FNDC3B: variants seen among roughly 807,000 people sequenced by gnomAD.
FNDC3B encodes the protein fibronectin type III domain-containing protein 3B.
A neutral mutation model predicts 151.5 loss-of-function variants in FNDC3B; 12 were observed. The observed-to-expected ratio is 0.08, with a 90% CI of 0.05 to 0.13. The LOEUF (loss-of-function observed/expected upper bound fraction) is 0.13, where lower values mean the gene tolerates loss of function less well. FNDC3B is among the 10% of genes least tolerant of loss of function. The pLI, the probability that FNDC3B is intolerant of heterozygous loss-of-function variation, is 1.00. For synonymous variants in FNDC3B, 528 were observed against 549.0 expected (o/e 0.96, Z 0.54); for missense variants, 1,214 against 1,505.3 (o/e 0.81, Z 3.20).
chr3:172,076,709 A>G (rs1380414233), intron 1 of FNDC3B, among the ~76,000 whole-genome samples: 1 of 152,192 alleles, frequency 6.6e-6, no homozygotes, highest in Admixed American at 6.5e-5. Flanking sequence ...CAGACTGGTT[A>G]AAGGAAGATT....
At chr3:172,245,269 T>C (rs994794482) in intron 4 of FNDC3B, among the ~76,000 whole-genome samples, 8 of 152,194 alleles carry the variant, frequency 5.3e-5, no homozygotes, top group African/African-American at 1.9e-4. Flanking sequence ...AAAGCGTGCC[T>C]CTTAATATTT....
chr3:172,289,990 G>GT (rs1730240342), intron 7 of FNDC3B, among the ~76,000 whole-genome samples: 1 of 152,166 alleles, frequency 6.6e-6, no homozygotes, highest in Non-Finnish European at 1.5e-5. Context: ...AGTTTGTAGC[G>GT]TATCACTAAG....
intron 1 of FNDC3B, among the ~76,000 whole-genome samples, chr3:172,082,559 A>G (rs1317746443): frequency 2.6e-5 from 4 of 152,168 alleles, no homozygotes; most frequent in Non-Finnish European, 5.9e-5. Context: ...GCCGTTCAGC[A>G]GGACCACACT....
At chr3:172,385,591 C>T (rs978572427) in intron 25 of FNDC3B, among the ~76,000 whole-genome samples, 2 of 150,194 alleles carry the variant, frequency 1.3e-5, no homozygotes, top group Admixed American at 6.6e-5. Context: ...CAGAGTCTCA[C>T]TCTGTCGCCC....
chr3:172,217,772 A>G (rs574452453), intron 3 of FNDC3B, among the ~76,000 whole-genome samples: 36 of 152,170 alleles, frequency 2.4e-4, no homozygotes, highest in Non-Finnish European at 5.1e-4. Flanking sequence ...TGAGAATTAA[A>G]CCCCGGTCTT....
At chr3:172,134,562 A>T (rs975991929) in intron 3 of FNDC3B, among the ~76,000 whole-genome samples, 2 of 152,216 alleles carry the variant, frequency 1.3e-5, no homozygotes, top group African/African-American at 4.8e-5. Flanking sequence ...GGTTTCCCAT[A>T]ATAAGCTGTA....
intron 1 of FNDC3B, among the ~76,000 whole-genome samples, chr3:172,069,636 A>G (rs932005771): frequency 6.6e-6 from 1 of 152,172 alleles, no homozygotes; most frequent in Non-Finnish European, 1.5e-5. Flanking sequence ...TTTCATAGCT[A>G]TCTGACTTTT....
At chr3:172,113,096 A>C (rs1384553902) in intron 2 of FNDC3B, among the ~76,000 whole-genome samples, 1 of 152,228 alleles carries the variant, frequency 6.6e-6, no homozygotes, top group Non-Finnish European at 1.5e-5. Context: ...ACATTGTGGA[A>C]TAGAGTTATT....
chr3:172,174,157 A>G (rs1047043508), intron 3 of FNDC3B, among the ~76,000 whole-genome samples: 2 of 152,174 alleles, frequency 1.3e-5, no homozygotes, highest in Non-Finnish European at 2.9e-5. Context: ...CTCTTTTACC[A>G]AAGAGCGAAT....
chr3:172,068,656 G>A (rs994959158), intron 1 of FNDC3B, among the ~76,000 whole-genome samples: 4 of 152,006 alleles, frequency 2.6e-5, no homozygotes, highest in Non-Finnish European at 1.5e-5. Flanking sequence ...AACTCCTGAC[G>A]TCAGATGATC....
chr3:172,241,768 G>A (rs1262116901), intron 4 of FNDC3B, among the ~76,000 whole-genome samples: 2 of 152,028 alleles, frequency 1.3e-5, no homozygotes, highest in East Asian at 3.9e-4. Context: ...TTATGTACCT[G>A]GCCCCTCCCA....
Position 172,162,675 on chromosome 3 carries a change from T to C in FNDC3B, c.187+29129T>C, listed in dbSNP as rs78509737. ...TATTACCTGGTTTTTTTTTTTTTTT[T>C]GGTCTGTAATACAATTTTATGTGTT... On this transcript the variant is annotated intron_variant, in intron 3 of 25. Coordinates refer to ENST00000415807, the MANE Select transcript of FNDC3B (RefSeq NM_022763.4). Among the ~76,000 whole-genome samples, 4 of 132,874 alleles carry C rather than the reference T, an allele frequency of 3.0e-5. No individual in the cohort carries two copies. The South Asian group carries it at 9.2e-4, about 31-fold the overall frequency. The allele number at this position is 132,874 out of a possible 152,430, so 87.2% of individuals were successfully genotyped here.
chr3:172,055,925 C>A (rs1247798499), intron 1 of FNDC3B, among the ~76,000 whole-genome samples: 1 of 152,020 alleles, frequency 6.6e-6, no homozygotes, highest in East Asian at 1.9e-4. Flanking sequence ...GGACTATAGG[C>A]GCCCGCCACC....
At chr3:172,297,439 C>T (rs893723398) in intron 8 of FNDC3B, among the ~76,000 whole-genome samples, 3 of 152,168 alleles carry the variant, frequency 2.0e-5, no homozygotes, top group African/African-American at 7.2e-5. Context: ...ACTCCTTCCT[C>T]TTTTCCTCTT....
At chr3:172,291,368 A>G (rs906612811) in intron 7 of FNDC3B, among the ~76,000 whole-genome samples, 23 of 152,218 alleles carry the variant, frequency 1.5e-4, no homozygotes, top group African/African-American at 5.3e-4. Context: ...AATAATTCAT[A>G]TGCAGACTTA....
intron 1 of FNDC3B, among the ~76,000 whole-genome samples, chr3:172,074,016 A>G (rs1389918401): frequency 6.6e-6 from 1 of 152,220 alleles, no homozygotes; most frequent in African/African-American, 2.4e-5. Context: ...TCTTCAAGAA[A>G]GGGATGCAAC....
At chr3:172,261,477 T>C (rs1471632214) in intron 6 of FNDC3B, among the ~76,000 whole-genome samples, 1 of 152,248 alleles carries the variant, frequency 6.6e-6, no homozygotes, top group African/African-American at 2.4e-5. Flanking sequence ...ATACTACAAA[T>C]ATGTTCATTA....
In FNDC3B at chr3:172,398,603, G is replaced by A. The variant is rs142379863; in HGVS notation, c.*1128G>A. The A allele has an allele frequency of 1.3e-5, 2 of 152,312 alleles. No homozygotes were observed. The highest frequency in any genetic ancestry group is 1.9e-4 in the East Asian group (1 of 5,188). The allele number at this position is 152,312 out of a possible 1,614,324, so 9.4% of individuals were successfully genotyped here. ...ATTTCTGTGGGTTTGCCTGGCCATG[G>A]TTGGAGAGGGAATGGTGTTTGATGG... On this transcript the variant is annotated 3_prime_UTR_variant, in exon 26 of 26. Coordinates refer to ENST00000415807, the MANE Select transcript of FNDC3B (RefSeq NM_022763.4).
At chr3:172,129,224 C>T (rs1229048835) in intron 2 of FNDC3B, among the ~76,000 whole-genome samples, 1 of 152,196 alleles carries the variant, frequency 6.6e-6, no homozygotes, top group African/African-American at 2.4e-5. Flanking sequence ...CTCCCCGTCT[C>T]AGCCTCCCAA....
Sources: allele counts gnomAD v4.1 joint callset (sites outside exome capture counted in the v4.1 genomes callset), GRCh38; gene constraint gnomAD v4.1.1; transcripts MANE v1.5; gene names NCBI Gene and HGNC (gene_info 2026-07-23, HGNC 2026-07-21).